Variants in DLC1 observed in about 807,000 individuals in gnomAD.
DLC1 encodes DLC1 Rho GTPase activating protein, also known as rho GTPase-activating protein 7.
A neutral mutation model predicts 140.3 loss-of-function variants in DLC1; 54 were observed. That is an observed-to-expected ratio of 0.38 (90% CI 0.31 to 0.48). DLC1 has a LOEUF of 0.48. DLC1 is among the 20% of genes least tolerant of loss of function. DLC1 has a pLI of 0.96. For missense variants in DLC1, 2,536 were observed against 1,907.0 expected, an observed-to-expected ratio of 1.33 and a Z score of -6.14; for synonymous variants, 986 against 728.1, an observed-to-expected ratio of 1.35 and a Z score of -5.70.
intron 5 of DLC1, among the ~76,000 whole-genome samples, chr8:13,125,631 C>T (rs1821487714): frequency 6.6e-6 from 1 of 152,092 alleles, no homozygotes; most frequent in Admixed American, 6.5e-5. Context: ...CAGGTTAGGC[C>T]CTTCTTGCCT....
intron 5 of DLC1, among the ~76,000 whole-genome samples, chr8:13,121,291 C>T (rs764641185): frequency 1.7e-4 from 26 of 152,232 alleles, no homozygotes; most frequent in Middle Eastern, 3.4e-3. Context: ...TTCTCCTCCC[C>T]GTGGTGACAA....
chr8:13,431,375 C>G (rs1196961324), intron 2 of DLC1, among the ~76,000 whole-genome samples: 1 of 145,968 alleles, frequency 6.9e-6, no homozygotes, highest in African/African-American at 2.5e-5. Flanking sequence ...CCCAGCTACT[C>G]GGGAGGCTGA....
intron 5 of DLC1, among the ~76,000 whole-genome samples, chr8:13,269,001 G>A (rs943211716): frequency 6.6e-6 from 1 of 151,166 alleles, no homozygotes; most frequent in Admixed American, 6.6e-5. Flanking sequence ...CAGCCTCCGA[G>A]TAGCTGGGAC....
rs1054813562 is a variant in DLC1, at chr8:13,419,142, C to A, written c.1024-17523G>T. On this transcript the variant is annotated intron_variant, in intron 2 of 17. Transcript: ENST00000276297. ...GATACAATGTGGTTTTCTAGATATA[C>A]AATCATGTGGTCTGCAAACAGGGAC... Among the ~76,000 whole-genome samples, 5 of 152,174 alleles carry A rather than the reference C, an allele frequency of 3.3e-5. No homozygotes were observed. The South Asian group carries it at 6.2e-4, about 19-fold the overall frequency.
intron 3 of DLC1, among the ~76,000 whole-genome samples, chr8:13,396,656 C>A (rs1335970298): frequency 2.0e-5 from 3 of 152,122 alleles, no homozygotes. Context: ...GTGTGTCTGA[C>A]CCCAGAATCC....
chr8:13,574,011 A>G (rs1467510686), intron 1 of DLC1, among the ~76,000 whole-genome samples: 2 of 152,126 alleles, frequency 1.3e-5, no homozygotes, highest in Non-Finnish European at 2.9e-5. Flanking sequence ...ACTTTCATGG[A>G]TAACAAAGAA....
chr8:13,300,497 TC>T (rs2117500491), intron 5 of DLC1, among the ~76,000 whole-genome samples: 1 of 152,086 alleles, frequency 6.6e-6, no homozygotes, highest in South Asian at 2.1e-4. Flanking sequence ...TGTCCCACCA[TC>T]CCCCTCCCCC....
chr8:13,393,890 C>T (rs748049621), intron 3 of DLC1, among the ~76,000 whole-genome samples, 197 bp from the exon 4 acceptor site: 1 of 152,196 alleles, frequency 6.6e-6, no homozygotes, highest in East Asian at 1.9e-4. Flanking sequence ...ATCAGAGGGT[C>T]TGCAAATACT....
At chr8:13,114,552 T>G (rs538160) in intron 6 of DLC1, among the ~76,000 whole-genome samples, 11,064 of 151,888 alleles carry the variant, frequency 0.073, 1,203 homozygotes, top group African/African-American at 0.23. Flanking sequence ...TTTTCTCAAT[T>G]GAAAAACTGA....
At chr8:13,263,351 C>A (rs1563207439) in intron 5 of DLC1, among the ~76,000 whole-genome samples, 1 of 152,062 alleles carries the variant, frequency 6.6e-6, no homozygotes, top group Admixed American at 6.5e-5. Flanking sequence ...TCAGCACCTA[C>A]CTCAGCTGTG....
At chr8:13,541,014 C>T (rs1803465235) in intron 1 of DLC1, among the ~76,000 whole-genome samples, 1 of 152,212 alleles carries the variant, frequency 6.6e-6, no homozygotes, top group Non-Finnish European at 1.5e-5. Context: ...ACTATTTAAC[C>T]AGCTAATTCT....
chr8:13,319,573 C>T (rs1180521973), intron 4 of DLC1, among the ~76,000 whole-genome samples: 1 of 124,618 alleles, frequency 8.0e-6, no homozygotes. Flanking sequence ...TTTCCCCTCG[C>T]CCTCTTCCTC....
chr8:13,435,737 T>C (rs1177452813), intron 2 of DLC1, among the ~76,000 whole-genome samples: 1 of 152,228 alleles, frequency 6.6e-6, no homozygotes, highest in African/African-American at 2.4e-5. Flanking sequence ...AAAAATTTAG[T>C]TGACAAAGGA....
intron 3 of DLC1, among the ~76,000 whole-genome samples, chr8:13,394,636 T>C (rs1300513581): frequency 6.6e-6 from 1 of 152,176 alleles, no homozygotes; most frequent in African/African-American, 2.4e-5. Context: ...GATTTAAATA[T>C]CTCTATGTAT....
At position 13,365,904 on chromosome 8, in the gene DLC1, A is replaced by T. The variant is rs538371866; in HGVS notation, c.1314+27649T>A. ...TGACCCAAGATATTCATTTCCCTGA[A>T]GTCACTCACAGCAGGCCTGTCTGGA... On this transcript the variant is annotated intron_variant, in intron 4 of 17. Transcript: ENST00000276297. 3.3e-4 allele frequency among the ~76,000 whole-genome samples: 50 copies of T among 152,310 alleles called. 1 individual carries two copies. The highest frequency in any genetic ancestry group is 1.2e-3 in the African/African-American group (49 of 41,566).
chr8:13,507,153 A>G (rs1336366101), intron 1 of DLC1, among the ~76,000 whole-genome samples: 1 of 152,202 alleles, frequency 6.6e-6, no homozygotes, highest in African/African-American at 2.4e-5. Context: ...TTTCTTAATG[A>G]TAATGTCAAA....
chr8:13,295,719 C>T (rs1283331695), intron 5 of DLC1, among the ~76,000 whole-genome samples: 6 of 152,036 alleles, frequency 3.9e-5, no homozygotes, highest in African/African-American at 7.2e-5. Flanking sequence ...AATTATAAGT[C>T]GTTTTATACT....
intron 5 of DLC1, among the ~76,000 whole-genome samples, chr8:13,302,420 T>G (rs1264389210): frequency 6.6e-6 from 1 of 152,166 alleles, no homozygotes; most frequent in Non-Finnish European, 1.5e-5. Context: ...TTGCCTCCCT[T>G]TGAAGATTTC....
At chr8:13,313,046 A>C (rs1307965670) in intron 4 of DLC1, among the ~76,000 whole-genome samples, 5 of 152,156 alleles carry the variant, frequency 3.3e-5, no homozygotes, top group Non-Finnish European at 5.9e-5. Context: ...TCTGAATAGT[A>C]GCTTTTTGCT....
Sources: allele counts gnomAD v4.1 joint callset (sites outside exome capture counted in the v4.1 genomes callset), GRCh38; gene constraint gnomAD v4.1.1; transcripts MANE v1.5; gene names NCBI Gene and HGNC (gene_info 2026-07-23, HGNC 2026-07-21).